The following GART variants were observed in gnomAD, a reference collection of about 807,000 sequenced individuals.
GART encodes the protein phosphoribosylglycinamide formyltransferase, phosphoribosylglycinamide synthetase, phosphoribosylaminoimidazole synthetase.
Under a neutral mutation model 107.2 loss-of-function variants are expected in GART, and 43 were observed. The observed-to-expected ratio is 0.40, with a 90% CI of 0.31 to 0.52. The LOEUF is 0.52. Among genes scored for constraint, GART ranks in the 20% least tolerant of loss-of-function variants. The pLI, the probability that GART is intolerant of heterozygous loss-of-function variation, is 0.52. For missense variants in GART, 1,107 were observed against 1,206.5 expected (o/e 0.92, Z 1.22); for synonymous variants, 434 against 427.0 (o/e 1.02, Z -0.20).
intron 17 of GART, 103 bp from the exon 18 acceptor site, chr21:33,510,023 C>A (rs1295130717): frequency 1.9e-6 from 2 of 1,062,322 alleles, no homozygotes; most frequent in Non-Finnish European, 1.3e-6. Flanking sequence ...ATGTTTTATC[C>A]TGAAAATAAG....
Position 33,511,456 on chromosome 21 carries a change from C to A in GART, c.2110G>T (p.Ala704Ser). ...ACCCTGGGGATCCTCCAGGTCTGGGCATCTGAAAAAAATAGACACGAATTG... is the reference window on the plus strand; with the variant it reads ...ACCCTGGGGATCCTCCAGGTCTGGGAATCTGAAAAAAATAGACACGAATTG... ...LPEKLGVDLD[A>S]QTWRIPRVFS... Residue 704 changes from alanine to serine, a missense_variant and splice_region_variant, in exon 17 of 22, where the codon GCC (alanine) becomes TCC (serine). Ala to Ser is a moderately conservative substitution (Grantham distance 99). Transcript: ENST00000381815. 2 of 1,613,968 alleles carry A rather than the reference C, an allele frequency of 1.2e-6. No homozygotes were observed. Among genetic ancestry groups the A allele is most frequent in the East Asian group, 2.2e-5 (1 of 44,884 alleles).
At chr21:33,523,393 T>C (rs1267291419) in intron 11 of GART, among the ~76,000 whole-genome samples, 1 of 152,212 alleles carries the variant, frequency 6.6e-6, no homozygotes, top group Non-Finnish European at 1.5e-5. Flanking sequence ...GGCATTTCCA[T>C]TTTTTCATCT....
At position 33,535,202 on chromosome 21, in the gene GART, CAATA is replaced by C. The variant is rs755371581; in HGVS notation, c.241+19_241+22del. 29 of 1,465,420 alleles carry C rather than the reference CAATA, an allele frequency of 2.0e-5. No homozygotes were observed. The highest frequency in any genetic ancestry group is 2.6e-5 in the Non-Finnish European group (28 of 1,073,804). The allele number at this position is 1,465,420 out of a possible 1,614,324, so 90.8% of individuals were successfully genotyped here. ...TCTGTTTGCACTGAATATACTGTAACAATAAACAGAAACAAACTTTACCAGCAGC... is the reference window on the plus strand; with the variant it reads ...TCTGTTTGCACTGAATATACTGTAACAACAGAAACAAACTTTACCAGCAGC... On this transcript the variant is annotated intron_variant, in intron 3 of 21. Transcript: ENST00000381815.
chr21:33,520,615 T>C (rs1158753811), intron 13 of GART, 53 bp from the exon 14 acceptor site: 5 of 1,482,276 alleles, frequency 3.4e-6, no homozygotes, highest in Non-Finnish European at 3.7e-6. Flanking sequence ...CAAAATTGTA[T>C]CTTATCCATT....
At chr21:33,541,866 C>G (rs2085436934) in intron 1 of GART, among the ~76,000 whole-genome samples, 199 bp downstream of exon 1, 1 of 152,162 alleles carries the variant, frequency 6.6e-6, no homozygotes, top group South Asian at 2.1e-4. Flanking sequence ...TCTTAGAAAA[C>G]AGGAAAAGTA....
intron 1 of GART, among the ~76,000 whole-genome samples, 186 bp from the exon 2 acceptor site, chr21:33,539,542 A>G (rs1038446350): frequency 5.3e-5 from 8 of 151,976 alleles, no homozygotes; most frequent in African/African-American, 1.9e-4. Context: ...AAAATACAAA[A>G]ATTAGCCAGG....
chr21:33,519,334 A>G (rs1411806119), intron 14 of GART, among the ~76,000 whole-genome samples: 1 of 152,162 alleles, frequency 6.6e-6, no homozygotes, highest in Non-Finnish European at 1.5e-5. Context: ...CAGGCAGATC[A>G]CGAGATCAGG....
chr21:33,515,047 A>C (rs1039257882), intron 16 of GART, among the ~76,000 whole-genome samples: 7 of 152,128 alleles, frequency 4.6e-5, no homozygotes, highest in South Asian at 2.1e-4. Context: ...CAACCTAACT[A>C]ATCTATTTTT....
chr21:33,519,974 TTAGTTAA>T (rs1048085946), intron 14 of GART, among the ~76,000 whole-genome samples: 38 of 152,208 alleles, frequency 2.5e-4, no homozygotes, highest in African/African-American at 9.2e-4. Flanking sequence ...AAATTTGGCT[TTAGTTAA>T]GATCCGGAAT....
At chr21:33,506,510 T>C (rs940287112) in intron 18 of GART, among the ~76,000 whole-genome samples, 3 of 152,156 alleles carry the variant, frequency 2.0e-5, no homozygotes, top group African/African-American at 7.2e-5. Flanking sequence ...AATAAATGTC[T>C]TGGAAAAGAC....
chr21:33,518,819 T>C (rs2084921642), intron 14 of GART: 2 of 525,308 alleles, frequency 3.8e-6, no homozygotes, highest in South Asian at 1.4e-5. Flanking sequence ...ACTAGTCAGA[T>C]TGTCTGCACC....
chr21:33,535,366 C>T (rs199680948), intron 2 of GART, 46 bp from the exon 3 acceptor site: 2 of 1,173,618 alleles, frequency 1.7e-6, no homozygotes, highest in Non-Finnish European at 1.2e-6. Flanking sequence ...TTTACAAAAA[C>T]ATTCCACTTA....
chr21:33,505,216 A>C (rs1423692263), intron 20 of GART, among the ~76,000 whole-genome samples: 3 of 152,202 alleles, frequency 2.0e-5, no homozygotes, highest in Non-Finnish European at 4.4e-5. Context: ...TTTTGCTTCC[A>C]AACAAATAAA....
chr21:33,541,777 C>T (rs1171611595), intron 1 of GART, among the ~76,000 whole-genome samples: 1 of 152,174 alleles, frequency 6.6e-6, no homozygotes, highest in Admixed American at 6.5e-5. Flanking sequence ...CTGCCAGAGA[C>T]AACGGGTGCA....
intron 16 of GART, among the ~76,000 whole-genome samples, chr21:33,513,114 T>C (rs917683214): frequency 1.4e-5 from 2 of 142,588 alleles, no homozygotes; most frequent in African/African-American, 5.7e-5. Context: ...TCTGTGTGTG[T>C]GTGTGTGTGT....
At chr21:33,516,246 T>TA (rs11321647) in intron 16 of GART, among the ~76,000 whole-genome samples, 3,186 of 95,128 alleles carry the variant, frequency 0.033, 60 homozygotes, top group South Asian at 0.093. Context: ...AGACTCTGTC[T>TA]AAAAAAAAAA....
chr21:33,506,432 G>A (rs547404346), intron 18 of GART, among the ~76,000 whole-genome samples: 3 of 152,124 alleles, frequency 2.0e-5, no homozygotes, highest in South Asian at 2.1e-4. Flanking sequence ...ATGAGCCACC[G>A]CGCCCAACCT....
intron 4 of GART, among the ~76,000 whole-genome samples, chr21:33,532,929 C>T (rs751546979): frequency 1.3e-5 from 2 of 151,778 alleles, no homozygotes; most frequent in African/African-American, 4.8e-5. Flanking sequence ...TTGCTCAAGG[C>T]ATCTGGCTGC....
intron 10 of GART, among the ~76,000 whole-genome samples, chr21:33,527,298 C>G (rs1030697597): frequency 1.3e-5 from 2 of 152,048 alleles, no homozygotes; most frequent in Non-Finnish European, 2.9e-5. Flanking sequence ...GTAGGCGGAT[C>G]ACTTGAGGTC....
Sources: gnomAD v4.1 joint callset for allele counts (sites outside exome capture counted in the v4.1 genomes callset) on GRCh38, gnomAD v4.1.1 for gene constraint, MANE v1.5 for transcripts, NCBI Gene and HGNC (gene_info 2026-07-23, HGNC 2026-07-21) for gene names.